Variants in CPQ observed in about 807,000 individuals in gnomAD.
The protein encoded by CPQ is Ser-Met dipeptidase.
A neutral mutation model predicts 45.7 loss-of-function variants in CPQ; 37 were observed. The observed-to-expected ratio is 0.81, with a 90% CI of 0.62 to 1.07. CPQ has a LOEUF of 1.07. Among genes scored for constraint, CPQ ranks in the 50% least tolerant of loss-of-function variants. CPQ has a pLI of 0.00. For missense variants in CPQ, 537 were observed against 572.9 expected (o/e 0.94, Z 0.64); for synonymous variants, 186 against 205.8 (o/e 0.90, Z 0.82).
chr8:97,079,206 A>G (rs1375161861), intron 7 of CPQ, among the ~76,000 whole-genome samples: 1 of 152,174 alleles, frequency 6.6e-6, no homozygotes, highest in Admixed American at 6.6e-5. Context: ...GAATATGAGT[A>G]GGAATCATTA....
At chr8:96,878,768 ATGTGT>A (rs1269591457) in intron 3 of CPQ, among the ~76,000 whole-genome samples, 1 of 152,216 alleles carries the variant, frequency 6.6e-6, no homozygotes, top group Admixed American at 6.5e-5. Context: ...TTGGAGAGAA[ATGTGT>A]TGTGGGTGAA....
chr8:97,132,823 G>C (rs1811978614), intron 7 of CPQ: 2 of 152,306 alleles, frequency 1.3e-5, no homozygotes, highest in South Asian at 4.1e-4. Context: ...AAGGAGTCAT[G>C]CTGGCTCAGA....
At chr8:97,095,023 T>C (rs1330991054) in intron 7 of CPQ, among the ~76,000 whole-genome samples, 1 of 152,188 alleles carries the variant, frequency 6.6e-6, no homozygotes, top group Non-Finnish European at 1.5e-5. Context: ...ACTCTGTATG[T>C]CCTTAGCTTC....
intron 6 of CPQ, among the ~76,000 whole-genome samples, chr8:97,060,180 TA>T (rs1810524434): frequency 6.6e-6 from 1 of 152,162 alleles, no homozygotes; most frequent in African/African-American, 2.4e-5. Flanking sequence ...TAGAATTTTA[TA>T]AAAGCAAAAA....
intron 1 of CPQ, among the ~76,000 whole-genome samples, chr8:96,736,524 G>A (rs1295553111): frequency 6.6e-6 from 1 of 152,148 alleles, no homozygotes; most frequent in Non-Finnish European, 1.5e-5. Context: ...TGAACCTGCT[G>A]GAGAGCCCTT....
chr8:96,982,233 A>G (rs1563545659), intron 5 of CPQ, among the ~76,000 whole-genome samples: 1 of 152,252 alleles, frequency 6.6e-6, no homozygotes, highest in Non-Finnish European at 1.5e-5. Flanking sequence ...GCATCATTTT[A>G]CTAATCACAA....
At chr8:97,063,714 A>G (rs959187864) in intron 6 of CPQ, among the ~76,000 whole-genome samples, 1 of 152,068 alleles carries the variant, frequency 6.6e-6, no homozygotes, top group Admixed American at 6.6e-5. Flanking sequence ...ATCCTTTATT[A>G]AATGGGGAAC....
At chr8:96,825,311 G>A (rs375220483) in intron 2 of CPQ, among the ~76,000 whole-genome samples, 5 of 151,992 alleles carry the variant, frequency 3.3e-5, no homozygotes, top group Admixed American at 6.6e-5. Flanking sequence ...TAGGATGTAA[G>A]GTATAGGAGA....
At chr8:96,864,600 A>G (rs1391640474) in intron 3 of CPQ, among the ~76,000 whole-genome samples, 2 of 117,358 alleles carry the variant, frequency 1.7e-5, no homozygotes, top group Non-Finnish European at 3.5e-5. Context: ...GCAAGATTAT[A>G]GGAAACCCAA....
intron 1 of CPQ, among the ~76,000 whole-genome samples, chr8:96,742,916 CTTCAT>C: frequency 6.6e-6 from 1 of 151,998 alleles, no homozygotes; most frequent in East Asian, 1.9e-4. Context: ...ACATTTTTTC[CTTCAT>C]TTCAACTTTG....
intron 1 of CPQ, among the ~76,000 whole-genome samples, chr8:96,659,912 T>C (rs1367430380): frequency 1.3e-5 from 2 of 152,226 alleles, no homozygotes. Context: ...CACTTTATCC[T>C]CTACACTGCC....
At chr8:96,881,246 G>A (rs1563519953) in intron 4 of CPQ, among the ~76,000 whole-genome samples, 3 of 152,166 alleles carry the variant, frequency 2.0e-5, no homozygotes, top group African/African-American at 7.2e-5. Flanking sequence ...TCACAGTTCT[G>A]CAGGCTGTAC....
At chr8:96,732,564 T>C (rs1412715873) in intron 1 of CPQ, among the ~76,000 whole-genome samples, 1 of 104,924 alleles carries the variant, frequency 9.5e-6, no homozygotes, top group Non-Finnish European at 2.3e-5. Context: ...TTACTTTCTA[T>C]TTTTCTTTTT....
intron 4 of CPQ, among the ~76,000 whole-genome samples, chr8:96,880,517 TCA>T (rs1812206763): frequency 1.3e-5 from 1 of 76,552 alleles, no homozygotes; most frequent in East Asian, 3.2e-4. Flanking sequence ...AAATATATGG[TCA>T]TATATATATA....
chr8:96,701,056 G>C (rs952713920), intron 1 of CPQ, among the ~76,000 whole-genome samples: 4 of 152,098 alleles, frequency 2.6e-5, no homozygotes, highest in African/African-American at 9.7e-5. Context: ...CAGGGATTGG[G>C]AAAATGAAAC....
At chr8:97,131,764 T>G (rs150045212) in intron 7 of CPQ, among the ~76,000 whole-genome samples, 1 of 152,230 alleles carries the variant, frequency 6.6e-6, no homozygotes, top group African/African-American at 2.4e-5. Context: ...AATTTTAGCC[T>G]GCCCTACTTG....
intron 1 of CPQ, among the ~76,000 whole-genome samples, chr8:96,745,236 A>C (rs980821206): frequency 2.0e-5 from 3 of 152,114 alleles, no homozygotes; most frequent in African/African-American, 7.2e-5. Flanking sequence ...TGAACCCAGG[A>C]GGTGGAGGTT....
At chr8:97,001,758 G>C (rs949296183) in intron 5 of CPQ, among the ~76,000 whole-genome samples, 6 of 99,448 alleles carry the variant, frequency 6.0e-5, no homozygotes, top group Non-Finnish European at 1.2e-4. Flanking sequence ...TTTCTGCCAG[G>C]CTTTGTTATC....
At chr8:96,673,172 C>T (rs1809029787) in intron 1 of CPQ, among the ~76,000 whole-genome samples, 1 of 152,120 alleles carries the variant, frequency 6.6e-6, no homozygotes, top group South Asian at 2.1e-4. Context: ...GGACAAAACA[C>T]ACACAAAGCA....
Sources: allele counts gnomAD v4.1 joint callset (sites outside exome capture counted in the v4.1 genomes callset), GRCh38; gene constraint gnomAD v4.1.1; transcripts MANE v1.5; gene names NCBI Gene and HGNC (gene_info 2026-07-23, HGNC 2026-07-21).